PXDC1: variants seen among roughly 807,000 people sequenced by gnomAD.
PXDC1 encodes PX domain-containing protein 1.
Under a neutral mutation model 24.4 loss-of-function variants are expected in PXDC1, and 13 were observed. That is an observed-to-expected ratio of 0.53 (90% confidence interval 0.35 to 0.85). The LOEUF is 0.85. Among genes scored for constraint, PXDC1 ranks in the 40% least tolerant of loss-of-function variants. The pLI is 0.01. For missense variants in PXDC1, 344 were observed against 309.3 expected (o/e 1.11, Z -0.84); for synonymous variants, 162 against 124.9 (o/e 1.30, Z -1.98).
rs1245438665 is a variant in PXDC1, at chr6:3,751,372, G to A, written c.160C>T (p.His54Tyr). 30 of 1,563,306 alleles carry A rather than the reference G, an allele frequency of 1.9e-5. No individual in the cohort carries two copies. The highest frequency in any genetic ancestry group is 2.6e-5 in the Non-Finnish European group (30 of 1,155,978). Residue 54 changes from histidine to tyrosine, a missense_variant, in exon 1 of 5, where the codon CAC becomes TAC. Transcript: ENST00000380283. ...CGGCCCAGGTCCGCCAGGCTGCGGT[G>A]CAGGTAGAGCACGCTGCGGTCCGAC... Reference protein sequence around the residue: ...EWSDRSVLYLHRSLADLGRLW... With the variant: ...EWSDRSVLYLYRSLADLGRLW...
At chr6:3,747,002 A>G (rs2127602589) in intron 1 of PXDC1, among the ~76,000 whole-genome samples, 1 of 152,234 alleles carries the variant, frequency 6.6e-6, no homozygotes, top group South Asian at 2.1e-4. Flanking sequence ...CAGGTAGATG[A>G]ATGTCTTTGG....
Position 3,724,507 on chromosome 6 carries a change from CAAG to C in PXDC1, c.579-774_579-772del, listed in dbSNP as rs1381019323. Among the ~76,000 whole-genome samples, 2 of 152,194 alleles carry C rather than the reference CAAG, an allele frequency of 1.3e-5. No individual in the cohort carries two copies. The highest frequency in any genetic ancestry group is 4.8e-5 in the African/African-American group (2 of 41,456). On this transcript the variant is annotated intron_variant, in intron 4 of 4. Coordinates refer to ENST00000380283, the MANE Select transcript of PXDC1 (RefSeq NM_183373.4). The surrounding 1 kb of genome is among the most constrained non-coding windows in gnomAD (Gnocchi z 4.5). ...TAAAAATGCGTAACAGAGAAAAGCACAAGAAGGACATTCTCCCCAGGAAGGGGG... is the reference window on the plus strand; with the variant it reads ...TAAAAATGCGTAACAGAGAAAAGCACAAGGACATTCTCCCCAGGAAGGGGG...
At position 3,724,424 on chromosome 6, in the gene PXDC1, C is replaced by T. The variant is rs1364905093; in HGVS notation, c.579-688G>A. 1.3e-5 allele frequency among the ~76,000 whole-genome samples: 2 copies of T among 152,188 alleles called. No individual in the cohort carries two copies. Among genetic ancestry groups the T allele is most frequent in the South Asian group, 2.1e-4 (1 of 4,828 alleles). Reference sequence around the variant, plus strand: ...GACTCCCCACACACTGGAACTGTTTCTACTCCCTCTGCAGCCCAGGCAGAC... The same window carrying T: ...GACTCCCCACACACTGGAACTGTTTTTACTCCCTCTGCAGCCCAGGCAGAC... On this transcript the variant is annotated intron_variant, in intron 4 of 4. Transcript: ENST00000380283. This position sits in a 1 kb window ranked among gnomAD's most constrained non-coding sequence, Gnocchi z 4.5.
intron 1 of PXDC1, among the ~76,000 whole-genome samples, chr6:3,742,231 C>A (rs1760464659): frequency 6.6e-6 from 1 of 152,222 alleles, no homozygotes; most frequent in Non-Finnish European, 1.5e-5. Flanking sequence ...ACCTGTTGTA[C>A]TCCTCCTTTG....
At chr6:3,729,610 G>A (rs990959356) in intron 3 of PXDC1, among the ~76,000 whole-genome samples, 10 of 152,332 alleles carry the variant, frequency 6.6e-5, no homozygotes, top group South Asian at 2.1e-4. Context: ...CCAAAGCCTC[G>A]CTGAACAGGC....
intron 1 of PXDC1, among the ~76,000 whole-genome samples, chr6:3,742,883 G>T (rs1398416590): frequency 1.3e-5 from 2 of 152,298 alleles, no homozygotes; most frequent in Admixed American, 6.5e-5. Context: ...TCTTCCTAAA[G>T]GAGTTAGGTC....
rs1210225464 is a variant in PXDC1, at chr6:3,728,822, A to T, written c.467-1160T>A. ...GCGTTTCCGTCCCCTCGCTCAGCAGATGAGATCTGGTAGCCATGGCCAGTT... is the reference window on the plus strand; with the variant it reads ...GCGTTTCCGTCCCCTCGCTCAGCAGTTGAGATCTGGTAGCCATGGCCAGTT... On this transcript the variant is annotated intron_variant, in intron 3 of 4. Transcript: ENST00000380283. The surrounding 1 kb of genome is among the most constrained non-coding windows in gnomAD (Gnocchi z 4.0). Among the ~76,000 whole-genome samples, 5 of 152,148 alleles carry T rather than the reference A, an allele frequency of 3.3e-5. No homozygotes were observed. In the East Asian group the frequency reaches 9.6e-4, roughly 29 times the overall value.
At position 3,751,318 on chromosome 6, in the gene PXDC1, G is replaced by T. The variant is rs1352305318; in HGVS notation, c.214C>A (p.Pro72Thr). Residue 72 changes from proline to threonine, a missense_variant, in exon 1 of 5, where the codon CCC becomes ACC. Transcript: ENST00000380283. ...TGCGCCAGTTCGGACCGGTCCTCGG[G>T]AAAGGCGTCGCGCAGGCGCTGCCAC... is the stretch of plus-strand genomic sequence containing the variant. Reference protein sequence around the residue: ...RLWQRLRDAFPEDRSELAQGP... With the variant: ...RLWQRLRDAFTEDRSELAQGP... 3 of 1,548,306 alleles carry T rather than the reference G, an allele frequency of 1.9e-6. No individual in the cohort carries two copies. The highest frequency in any genetic ancestry group is 2.4e-5 in the South Asian group (2 of 84,008).
intron 1 of PXDC1, among the ~76,000 whole-genome samples, chr6:3,744,393 CCA>C (rs1760518073): frequency 6.6e-6 from 1 of 152,212 alleles, no homozygotes; most frequent in Admixed American, 6.5e-5. Context: ...CAAACACAGA[CCA>C]CAGACTGTCC....
chr6:3,729,882 C>G lies in PXDC1; in HGVS notation c.467-2220G>C, dbSNP rs569954802. Among the ~76,000 whole-genome samples, 275 of 152,280 alleles carry G rather than the reference C, an allele frequency of 1.8e-3. 3 individuals carry two copies. The highest frequency in any genetic ancestry group is 1.9e-4 in the Non-Finnish European group (13 of 68,030). Reference sequence around the variant, plus strand: ...CAAGTTAAAACAAATGTCACTGCTGCAAATCACTTCTGAATAAAATTCTGA... The same window carrying G: ...CAAGTTAAAACAAATGTCACTGCTGGAAATCACTTCTGAATAAAATTCTGA... On this transcript the variant is annotated intron_variant, in intron 3 of 4. Transcript: ENST00000380283.
In PXDC1 at chr6:3,728,283, C is replaced by A. The variant is rs574345187; in HGVS notation, c.467-621G>T. 2.6e-5 allele frequency among the ~76,000 whole-genome samples: 4 copies of A among 152,292 alleles called. No individual in the cohort carries two copies. The highest frequency in any genetic ancestry group is 9.6e-5 in the African/African-American group (4 of 41,550). On this transcript the variant is annotated intron_variant, in intron 3 of 4. Transcript: ENST00000380283. This position sits in a 1 kb window ranked among gnomAD's most constrained non-coding sequence, Gnocchi z 4.0. Reference sequence around the variant, plus strand: ...CCAGTAAGTAGTCTTTTATCCCTCACCCCACGAACCCAAAGTCCATGATAT... The same window carrying A: ...CCAGTAAGTAGTCTTTTATCCCTCAACCCACGAACCCAAAGTCCATGATAT...
At chr6:3,750,998 A>G (rs1760699677) in intron 1 of PXDC1, 3 of 410,924 alleles carry the variant, frequency 7.3e-6, no homozygotes, top group South Asian at 4.2e-5. Flanking sequence ...ACTCGTCCTC[A>G]GGGAGAGTCC....
In PXDC1 at chr6:3,751,466, G is replaced by A. The variant is rs754987316; in HGVS notation, c.66C>T (p.Asn22=). 1.2e-6 allele frequency: 2 copies of A among 1,603,330 alleles called. No homozygotes were observed. Among genetic ancestry groups the A allele is most frequent in the South Asian group, 1.1e-5 (1 of 89,142 alleles). ...GGCTGACGATGAGCCTGCGGATGCC[G>A]TTCACCCAGCAGCCGCGCACGAACA... ...VNMFVRGCWV[N]GIRRLIVSRR... Residue 22 remains asparagine (N), a synonymous_variant, in exon 1 of 5, where the codon AAC becomes AAT. Coordinates refer to ENST00000380283, the MANE Select transcript of PXDC1 (RefSeq NM_183373.4).
chr6:3,738,752 C>A (rs1225219433), intron 1 of PXDC1: 1 of 1,287,992 alleles, frequency 7.8e-7, no homozygotes, highest in African/African-American at 1.5e-5. Context: ...TCACCACACA[C>A]CCGAGTGGCT....
intron 3 of PXDC1, among the ~76,000 whole-genome samples, chr6:3,730,360 G>T (rs1760168650): frequency 6.6e-6 from 1 of 152,174 alleles, no homozygotes; most frequent in African/African-American, 2.4e-5. Context: ...AAAGCAAATT[G>T]TCTTAAAACC....
chr6:3,739,800 T>A (rs1344485858), intron 1 of PXDC1, among the ~76,000 whole-genome samples: 1 of 152,188 alleles, frequency 6.6e-6, no homozygotes, highest in Non-Finnish European at 1.5e-5. Context: ...TATACCGCAA[T>A]TTACATAGAA....
At chr6:3,751,140 C>T (rs1760705398) in intron 1 of PXDC1, 136 bp downstream of exon 1, 2 of 667,312 alleles carry the variant, frequency 3.0e-6, no homozygotes, top group East Asian at 6.9e-5. Flanking sequence ...TCTGCGGGCG[C>T]GGGGTCCAAG....
intron 1 of PXDC1, among the ~76,000 whole-genome samples, chr6:3,741,097 G>A (rs183354599): frequency 4.6e-5 from 7 of 152,350 alleles, no homozygotes; most frequent in South Asian, 2.1e-4. Context: ...CCCCAGTCTC[G>A]GTCTTCTCGT....
rs1418256878 is a variant in PXDC1, at chr6:3,728,222, T to C, written c.467-560A>G. 6.6e-6 allele frequency among the ~76,000 whole-genome samples: 1 copy of C among 152,202 alleles called. No individual in the cohort carries two copies. Among genetic ancestry groups the C allele is most frequent in the Non-Finnish European group, 1.5e-5 (1 of 68,040 alleles). On this transcript the variant is annotated intron_variant, in intron 3 of 4. Coordinates refer to ENST00000380283, the MANE Select transcript of PXDC1 (RefSeq NM_183373.4). This position sits in a 1 kb window ranked among gnomAD's most constrained non-coding sequence, Gnocchi z 4.0. ...TTCTTTAGCGGTGATTTCTGAGATT[T>C]TGGTGGATCCATCACCCAAGCAGGG... is the stretch of plus-strand genomic sequence containing the variant.
Sources: allele counts gnomAD v4.1 joint callset (sites outside exome capture counted in the v4.1 genomes callset), GRCh38; gene constraint gnomAD v4.1.1; non-coding constraint Gnocchi (gnomAD v3.1); transcripts MANE v1.5; gene names NCBI Gene and HGNC (gene_info 2026-07-23, HGNC 2026-07-21).